Variants in NALCN observed in about 807,000 individuals in gnomAD.
The protein encoded by NALCN is sodium leak channel NALCN.
A neutral mutation model predicts 225.3 loss-of-function variants in NALCN; 111 were observed. The observed-to-expected ratio is 0.49, with a 90% CI of 0.42 to 0.58. NALCN has a LOEUF of 0.58. Among genes scored for constraint, NALCN ranks in the 20% least tolerant of loss-of-function variants. The pLI, the probability that NALCN is intolerant of heterozygous loss-of-function variation, is 0.00. For synonymous variants in NALCN, 764 were observed against 769.0 expected, an observed-to-expected ratio of 0.99 and a Z score of 0.11; for missense variants, 1,378 against 2,202.4, an observed-to-expected ratio of 0.63 and a Z score of 7.49.
At chr13:101,064,112 TG>T (rs1343637995) in intron 40 of NALCN, among the ~76,000 whole-genome samples, 3 of 152,218 alleles carry the variant, frequency 2.0e-5, no homozygotes, top group African/African-American at 7.2e-5. Flanking sequence ...TCAGAAGCAC[TG>T]GTGAGCATAA....
intron 16 of NALCN, 22 bp from the exon 17 acceptor site, chr13:101,143,243 G>A: frequency 6.3e-7 from 1 of 1,582,010 alleles, no homozygotes. Context: ...AAGTATATGT[G>A]CATCAGGCAT....
chr13:101,244,905 T>C (rs2041848516), intron 11 of NALCN, among the ~76,000 whole-genome samples: 1 of 152,198 alleles, frequency 6.6e-6, no homozygotes, highest in Non-Finnish European at 1.5e-5. Context: ...TCAACCTTGA[T>C]GGTAGCTGGA....
At chr13:101,299,219 G>GTA in intron 7 of NALCN, among the ~76,000 whole-genome samples, 1 of 152,306 alleles carries the variant, frequency 6.6e-6, no homozygotes, top group South Asian at 2.1e-4. Flanking sequence ...CTGCTATGTA[G>GTA]TAAGATGACT....
At chr13:101,287,972 C>G (rs545965127) in intron 9 of NALCN, among the ~76,000 whole-genome samples, 1 of 152,304 alleles carries the variant, frequency 6.6e-6, no homozygotes, top group Admixed American at 6.5e-5. Flanking sequence ...TCCACATACA[C>G]AGTAATGCAG....
At chr13:101,193,502 C>T (rs1235433260) in intron 13 of NALCN, among the ~76,000 whole-genome samples, 2 of 152,110 alleles carry the variant, frequency 1.3e-5, no homozygotes, top group Non-Finnish European at 2.9e-5. Flanking sequence ...ATCCTTTGTC[C>T]ATGTGCAAAG....
intron 1 of NALCN, among the ~76,000 whole-genome samples, chr13:101,400,221 G>C (rs1210220215): frequency 6.6e-6 from 1 of 152,028 alleles, no homozygotes; most frequent in Non-Finnish European, 1.5e-5. Flanking sequence ...CTAGCCTCAA[G>C]GCAGGTAATA....
At chr13:101,256,765 C>T (rs1285753642) in intron 11 of NALCN, among the ~76,000 whole-genome samples, 133 of 133,520 alleles carry the variant, frequency 1.0e-3, no homozygotes, top group Non-Finnish European at 1.7e-3. Context: ...CTTCTTTCTG[C>T]TTTTTTTTTT....
intron 7 of NALCN, among the ~76,000 whole-genome samples, chr13:101,322,569 T>C (rs2139198019): frequency 6.6e-6 from 1 of 152,366 alleles, no homozygotes; most frequent in South Asian, 2.1e-4. Context: ...TCTAATATCG[T>C]AGCAGAAGGT....
chr13:101,111,055 T>A lies in NALCN; in HGVS notation c.2294+70A>T, dbSNP rs561466083. On this transcript the variant is annotated intron_variant, in intron 19 of 43. Transcript: ENST00000251127. The stretch of plus-strand genomic sequence containing the variant: ...GCCAGGGCTGACAGCCGTGACTGTG[T>A]ACAGCGACCATTTCCTGTAAAACCC... 1.1e-4 allele frequency: 158 copies of A among 1,492,152 alleles called. No homozygotes were observed. In the African/African-American group the frequency reaches 1.9e-3, roughly 18 times the overall value. The allele number at this position is 1,492,152 out of a possible 1,614,324, so 92.4% of individuals were successfully genotyped here. A position where few individuals can be genotyped will look rare whatever the true frequency, so the allele number is the denominator to read the frequency against.
intron 11 of NALCN, among the ~76,000 whole-genome samples, chr13:101,240,668 T>G (rs894330512): frequency 3.9e-5 from 6 of 152,178 alleles, no homozygotes; most frequent in African/African-American, 1.4e-4. Context: ...AACTTGCTCC[T>G]TGTTTTCAAT....
At chr13:101,076,020 G>C (rs1292650280) in intron 34 of NALCN, 79 bp from the exon 35 acceptor site, 3 of 1,140,168 alleles carry the variant, frequency 2.6e-6, no homozygotes, top group Non-Finnish European at 3.8e-6. Context: ...AGCCTTCTGT[G>C]AAGTATACTG....
intron 6 of NALCN, among the ~76,000 whole-genome samples, chr13:101,375,719 T>C (rs2046670199): frequency 6.6e-6 from 1 of 152,328 alleles, no homozygotes; most frequent in South Asian, 2.1e-4. Flanking sequence ...CATTTATAAA[T>C]AGACAAATTC....
Position 101,385,830 on chromosome 13 carries a change from G to A in NALCN, c.292-7177C>T, listed in dbSNP as rs543836778. Among the ~76,000 whole-genome samples, 3 of 152,182 alleles carry A rather than the reference G, an allele frequency of 2.0e-5. No homozygotes were observed. The South Asian group carries it at 6.2e-4, about 32-fold the overall frequency. ...CCAATTCTAAAACACACCCTACCCTGCTCCAACACAGTTGCACAATTCTGG... is the reference window on the plus strand; with the variant it reads ...CCAATTCTAAAACACACCCTACCCTACTCCAACACAGTTGCACAATTCTGG... On this transcript the variant is annotated intron_variant, in intron 3 of 43. Transcript: ENST00000251127.
chr13:101,065,166 C>T (rs1284198763), intron 40 of NALCN, among the ~76,000 whole-genome samples: 3 of 152,138 alleles, frequency 2.0e-5, no homozygotes, highest in East Asian at 3.9e-4. Context: ...GGGGTCCCTA[C>T]GGGACATCAG....
At chr13:101,173,684 C>T (rs561862159) in intron 15 of NALCN, among the ~76,000 whole-genome samples, 52 of 152,082 alleles carry the variant, frequency 3.4e-4, no homozygotes, top group Non-Finnish European at 6.0e-4. Context: ...GAATGCATAG[C>T]GCTTTCTGAA....
chr13:101,185,314 C>CA (rs2039405087), intron 14 of NALCN, among the ~76,000 whole-genome samples: 1 of 152,184 alleles, frequency 6.6e-6, no homozygotes, highest in Non-Finnish European at 1.5e-5. Flanking sequence ...ACTACCGAGG[C>CA]AAAATCAAGA....
intron 16 of NALCN, 74 bp downstream of exon 16, chr13:101,144,686 G>A (rs1447542366): frequency 2.0e-6 from 3 of 1,486,888 alleles, no homozygotes; most frequent in Non-Finnish European, 1.8e-6. Flanking sequence ...TTAAAAGAAG[G>A]GTTAAATCAG....
At chr13:101,393,211 C>T (rs1234401089) in intron 3 of NALCN, among the ~76,000 whole-genome samples, 3 of 152,078 alleles carry the variant, frequency 2.0e-5, no homozygotes, top group African/African-American at 7.2e-5. Flanking sequence ...ACATAAAATC[C>T]CATCTAACCT....
chr13:101,277,916 C>T lies in NALCN; in HGVS notation c.1134+6017G>A, dbSNP rs114267204. 5.9e-3 allele frequency among the ~76,000 whole-genome samples: 893 copies of T among 152,290 alleles called. 12 individuals carry two copies. The highest frequency in any genetic ancestry group is 0.02 in the African/African-American group (845 of 41,556). Reference sequence around the variant, plus strand: ...TGTGGCAGCCACCACTCAGCTCTGGCCAACTCTAGCCAGGTGGAAATGAGA... The same window carrying T: ...TGTGGCAGCCACCACTCAGCTCTGGTCAACTCTAGCCAGGTGGAAATGAGA... On this transcript the variant is annotated intron_variant, in intron 10 of 43. Coordinates refer to ENST00000251127, the MANE Select transcript of NALCN (RefSeq NM_052867.4).
Sources: allele counts gnomAD v4.1 joint callset (sites outside exome capture counted in the v4.1 genomes callset), GRCh38; gene constraint gnomAD v4.1.1; transcripts MANE v1.5; gene names NCBI Gene and HGNC (gene_info 2026-07-23, HGNC 2026-07-21).